STARD13: variants seen among roughly 807,000 people sequenced by gnomAD.
STARD13 encodes stAR-related lipid transfer protein 13.
In STARD13, 62 loss-of-function variants were observed where a neutral mutation model predicts 106.4. That is an observed-to-expected ratio of 0.58 (90% confidence interval 0.48 to 0.72). STARD13 has a LOEUF of 0.72. Ranked by LOEUF, STARD13 falls within the 30% of genes least tolerant of loss-of-function variation. The pLI, the probability that STARD13 is intolerant of heterozygous loss-of-function variation, is 0.00. For synonymous variants in STARD13, 565 were observed against 553.0 expected (o/e 1.02, Z -0.31); for missense variants, 1,387 against 1,424.0 (o/e 0.97, Z 0.42).
At chr13:33,528,852 G>A in the STARD13 span, among the ~76,000 whole-genome samples, 1 of 152,024 alleles carries the variant, frequency 6.6e-6, no homozygotes, top group South Asian at 2.1e-4. Context: ...TCTGCTTACT[G>A]TACAGGAAAC....
the STARD13 span, among the ~76,000 whole-genome samples, chr13:33,388,875 G>C: frequency 1.1e-4 from 17 of 151,938 alleles, no homozygotes; most frequent in South Asian, 3.5e-3. Context: ...TGACTTCAGT[G>C]TCCTGAGCTC....
the STARD13 span, among the ~76,000 whole-genome samples, chr13:33,570,754 G>C: frequency 6.6e-6 from 1 of 152,120 alleles, no homozygotes; most frequent in Non-Finnish European, 1.5e-5. Flanking sequence ...AAGCATCACT[G>C]TCTCACTCTT....
At chr13:33,288,540 G>A (rs1191561916), upstream of STARD13, among the ~76,000 whole-genome samples, 1 of 151,578 alleles carries the variant, frequency 6.6e-6, no homozygotes, top group Non-Finnish European at 1.5e-5. Flanking sequence ...TTCCCAAAGT[G>A]GTAGGATTAC....
intron 1 of STARD13, among the ~76,000 whole-genome samples, chr13:33,189,429 CCTTTCGGAGG>C (rs1886057144): frequency 1.7e-5 from 1 of 57,424 alleles, no homozygotes; most frequent in African/African-American, 8.2e-5. Context: ...CCTCCTTCCT[CCTTTCGGAGG>C]AAGGAGGGAA....
At chr13:33,111,676 C>T (rs780034943) in intron 10 of STARD13, 102 bp downstream of exon 10, 42 of 732,058 alleles carry the variant, frequency 5.7e-5, no homozygotes, top group Non-Finnish European at 6.2e-5. Flanking sequence ...GTCATAAAAT[C>T]AGGAACAAAC....
chr13:33,559,540 T>G, the STARD13 span, among the ~76,000 whole-genome samples: 1 of 151,470 alleles, frequency 6.6e-6, no homozygotes, highest in African/African-American at 2.4e-5. Flanking sequence ...ACATCTCCCA[T>G]GATGAGATTA....
chr13:33,325,983 TAAAAAAAAAAA>T (rs59403273), intron 1 of STARD13, among the ~76,000 whole-genome samples: 2 of 96,210 alleles, frequency 2.1e-5, no homozygotes, highest in South Asian at 4.3e-4. Flanking sequence ...AGACTCCGTT[TAAAAAAAAAAA>T]AAAAAAAAAA....
intron 1 of STARD13, among the ~76,000 whole-genome samples, chr13:33,187,636 T>TA (rs146942116): frequency 0.16 from 23,929 of 150,168 alleles, 1,988 homozygotes; most frequent in Middle Eastern, 0.21. Context: ...TTTACTATGG[T>TA]AAAAAAAAAA....
At chr13:33,308,584 C>A (rs1207218050) in intron 1 of STARD13, among the ~76,000 whole-genome samples, 8 of 125,252 alleles carry the variant, frequency 6.4e-5, no homozygotes, top group Non-Finnish European at 1.1e-4. Flanking sequence ...AGAGCAATGG[C>A]ATGATTTCAG....
At chr13:33,176,108 CTCTG>C (rs1364787053) in intron 1 of STARD13, among the ~76,000 whole-genome samples, 1 of 152,186 alleles carries the variant, frequency 6.6e-6, no homozygotes, top group Non-Finnish European at 1.5e-5. Context: ...TTCTGACTCC[CTCTG>C]CAAGGCTTTC....
intron 3 of STARD13, among the ~76,000 whole-genome samples, chr13:33,154,932 TC>T (rs750238205): frequency 5.3e-5 from 8 of 152,116 alleles, no homozygotes; most frequent in Admixed American, 5.2e-4. Context: ...TCCTTCCCCT[TC>T]CCCTGGGGCT....
At chr13:33,584,288 G>C in the STARD13 span, among the ~76,000 whole-genome samples, 1 of 152,198 alleles carries the variant, frequency 6.6e-6, no homozygotes, top group African/African-American at 2.4e-5. Flanking sequence ...GAAGCCTGAT[G>C]CTGGAATCTA....
the STARD13 span, among the ~76,000 whole-genome samples, chr13:33,530,124 T>C: frequency 1.3e-5 from 2 of 152,126 alleles, no homozygotes; most frequent in Non-Finnish European, 2.9e-5. Flanking sequence ...CTCATGTTTT[T>C]TTTTTTTGGT....
intron 8 of STARD13, among the ~76,000 whole-genome samples, chr13:33,114,674 C>T (rs1875104368): frequency 1.3e-5 from 2 of 152,126 alleles, no homozygotes. Context: ...AGTGTGTATA[C>T]ATTGTTTAAC....
chr13:33,451,799 C>T, the STARD13 span, among the ~76,000 whole-genome samples: 6 of 151,316 alleles, frequency 4.0e-5, no homozygotes, highest in African/African-American at 1.5e-4. Context: ...AGAAGAGCAG[C>T]CAGAGAAGAA....
the STARD13 span, among the ~76,000 whole-genome samples, chr13:33,549,990 T>C: frequency 6.6e-6 from 1 of 152,204 alleles, no homozygotes; most frequent in East Asian, 1.9e-4. Context: ...GTTGCTAGCA[T>C]GCTGATCAAG....
intron 10 of STARD13, among the ~76,000 whole-genome samples, chr13:33,111,313 T>C (rs557668255): frequency 2.2e-4 from 33 of 152,336 alleles, no homozygotes; most frequent in African/African-American, 7.7e-4. Context: ...TTAGCACACT[T>C]TTCCCATTGA....
chr13:33,470,934 T>A, the STARD13 span, among the ~76,000 whole-genome samples: 2 of 152,184 alleles, frequency 1.3e-5, no homozygotes, highest in Admixed American at 6.5e-5. Context: ...TTTGATTAGA[T>A]CCATTTGTGT....
At chr13:33,141,873 G>T (rs1016966843) in intron 4 of STARD13, among the ~76,000 whole-genome samples, 1 of 151,760 alleles carries the variant, frequency 6.6e-6, no homozygotes, top group East Asian at 1.9e-4. Context: ...ACATCTTTAC[G>T]CAAACCCTCT....
Sources: allele counts gnomAD v4.1 joint callset (sites outside exome capture counted in the v4.1 genomes callset), GRCh38; gene constraint gnomAD v4.1.1; transcripts MANE v1.5; gene names NCBI Gene and HGNC (gene_info 2026-07-23, HGNC 2026-07-21).